EFCAB6: variants seen among roughly 807,000 people sequenced by gnomAD.
EFCAB6 encodes EF-hand calcium binding domain 6.
Under a neutral mutation model 169.8 loss-of-function variants are expected in EFCAB6, and 156 were observed. That is an observed-to-expected ratio of 0.92 (90% CI 0.81 to 1.05). The LOEUF (loss-of-function observed/expected upper bound fraction) is 1.05. Among genes scored for constraint, EFCAB6 ranks in the 50% least tolerant of loss-of-function variants. EFCAB6 has a pLI of 0.00. For synonymous variants in EFCAB6, 698 were observed against 676.4 expected (o/e 1.03, Z -0.50); for missense variants, 1,800 against 1,829.1 (o/e 0.98, Z 0.29).
intron 7 of EFCAB6, among the ~76,000 whole-genome samples, chr22:43,733,398 A>G (rs984231514): frequency 6.6e-6 from 1 of 152,194 alleles, no homozygotes; most frequent in Non-Finnish European, 1.5e-5. Context: ...TATCAAACAC[A>G]CTGGCCTCCA....
chr22:43,565,738 T>G (rs932146950), intron 26 of EFCAB6, among the ~76,000 whole-genome samples: 1 of 151,864 alleles, frequency 6.6e-6, no homozygotes, highest in African/African-American at 2.4e-5. Context: ...TATGGTTTTT[T>G]TCTATGATTC....
At position 43,601,072 on chromosome 22, in the gene EFCAB6, A is replaced by T. The variant is rs141510144; in HGVS notation, c.2682-809T>A. On this transcript the variant is annotated intron_variant, in intron 22 of 31. Transcript: ENST00000262726. ...TCAATCTTAAAACTCGAATGAGTGAATGTCACTTGATTCAAAGATGGTAAA... is the reference window on the plus strand; with the variant it reads ...TCAATCTTAAAACTCGAATGAGTGATTGTCACTTGATTCAAAGATGGTAAA... 3.9e-3 allele frequency among the ~76,000 whole-genome samples: 590 copies of T among 152,364 alleles called. 3 individuals carry two copies. The highest frequency in any genetic ancestry group is 0.014 in the Middle Eastern group (4 of 294).
At chr22:43,617,256 T>A (rs1467932175) in intron 20 of EFCAB6, among the ~76,000 whole-genome samples, 1 of 152,216 alleles carries the variant, frequency 6.6e-6, no homozygotes, top group East Asian at 1.9e-4. Flanking sequence ...GATGTCTATT[T>A]CCCTGCCTTC....
intron 1 of EFCAB6, among the ~76,000 whole-genome samples, chr22:43,811,343 G>T (rs1364134830): frequency 1.6e-5 from 2 of 122,432 alleles, no homozygotes; most frequent in Non-Finnish European, 3.4e-5. Context: ...GAGGAGAGAG[G>T]AGGGGAGGAA....
intron 26 of EFCAB6, among the ~76,000 whole-genome samples, chr22:43,558,092 T>G (rs981003667): frequency 2.0e-5 from 3 of 152,226 alleles, no homozygotes; most frequent in Non-Finnish European, 4.4e-5. Context: ...AAAATAAGCA[T>G]GATTTCACTT....
At chr22:43,530,194 A>G (rs1401617179) in intron 31 of EFCAB6, among the ~76,000 whole-genome samples, 2 of 152,272 alleles carry the variant, frequency 1.3e-5, no homozygotes, top group Admixed American at 1.3e-4. Flanking sequence ...AGGGAATAAC[A>G]GAACCTGCCC....
intron 6 of EFCAB6, among the ~76,000 whole-genome samples, chr22:43,754,600 AAAATT>A (rs749843173): frequency 4.6e-5 from 7 of 152,302 alleles, no homozygotes; most frequent in Admixed American, 6.5e-5. Flanking sequence ...GATGGGATAA[AAAATT>A]AACTGAAAGG....
intron 2 of EFCAB6, among the ~76,000 whole-genome samples, chr22:43,793,482 G>A (rs1400757862): frequency 2.6e-5 from 4 of 152,204 alleles, no homozygotes; most frequent in African/African-American, 9.6e-5. Flanking sequence ...AGCAAACACT[G>A]TAGGCCACTG....
intron 19 of EFCAB6, among the ~76,000 whole-genome samples, chr22:43,631,695 G>A (rs1040196511): frequency 6.6e-6 from 1 of 152,058 alleles, no homozygotes; most frequent in African/African-American, 2.4e-5. Flanking sequence ...GGGTGGGGCT[G>A]GTAGCTTTCA....
At chr22:43,737,639 A>G (rs1475914746) in intron 6 of EFCAB6, among the ~76,000 whole-genome samples, 5 of 150,470 alleles carry the variant, frequency 3.3e-5, no homozygotes, top group Non-Finnish European at 7.4e-5. Context: ...AGATATTCAC[A>G]TGCACACACA....
At chr22:43,579,760 G>GTACACGCAGGCATCATTCCC (rs2050590603) in intron 25 of EFCAB6, among the ~76,000 whole-genome samples, 1 of 106,720 alleles carries the variant, frequency 9.4e-6, no homozygotes. Context: ...GCATCATTCC[G>GTACACGCAGGCATCATTCCC]TACACGCAGG....
At chr22:43,617,797 A>C (rs1477513401) in intron 20 of EFCAB6, among the ~76,000 whole-genome samples, 2 of 152,124 alleles carry the variant, frequency 1.3e-5, no homozygotes, top group African/African-American at 4.8e-5. Flanking sequence ...ACTTAGAACA[A>C]ACACACAAGA....
chr22:43,607,789 G>C (rs550872719), intron 22 of EFCAB6, among the ~76,000 whole-genome samples: 1 of 152,144 alleles, frequency 6.6e-6, no homozygotes, highest in Non-Finnish European at 1.5e-5. Context: ...AGGTGACTAC[G>C]GACATATAAT....
At chr22:43,561,765 A>G (rs1257204103) in intron 26 of EFCAB6, among the ~76,000 whole-genome samples, 1 of 152,212 alleles carries the variant, frequency 6.6e-6, no homozygotes, top group Non-Finnish European at 1.5e-5. Context: ...TCACGTGATC[A>G]TTATATCTGA....
chr22:43,803,639 T>C (rs1487484167), intron 2 of EFCAB6, among the ~76,000 whole-genome samples: 1 of 152,096 alleles, frequency 6.6e-6, no homozygotes, highest in East Asian at 1.9e-4. Flanking sequence ...TAAATATATA[T>C]GCACACCATG....
In EFCAB6 at chr22:43,600,226, C is replaced by A. The variant is rs764262285; in HGVS notation, c.2719G>T (p.Glu907Ter). ...TEGKGHITYQ[E>*]FLQKLGINYS... Reference sequence around the variant, plus strand: ...TTAATACCCAATTTCTGTAAAAATTCCTGGTAAGTAATGTGCCCTTTTCCC... The same window carrying A: ...TTAATACCCAATTTCTGTAAAAATTACTGGTAAGTAATGTGCCCTTTTCCC... The change falls in exon 23 of 32, where the codon GAA (glutamate) becomes TAA (stop). Residue 907 changes from glutamate (E) to a stop codon, truncating the protein, a stop_gained. Transcript: ENST00000262726. LOFTEE classifies it high-confidence loss of function. The A allele has an allele frequency of 3.1e-6, 5 of 1,614,110 alleles. No homozygotes were observed. In the Admixed American group the frequency reaches 6.7e-5, roughly 22 times the overall value.
At chr22:43,555,648 G>A (rs2048661161) in intron 26 of EFCAB6, among the ~76,000 whole-genome samples, 1 of 152,212 alleles carries the variant, frequency 6.6e-6, no homozygotes, top group South Asian at 2.1e-4. Flanking sequence ...TTAACTCTGG[G>A]GAATTAAGTG....
rs1555969702 is a variant in EFCAB6, at chr22:43,618,186, G to GAAAGAA, written c.2466-2270_2466-2265dup. ...GGAAGGAAAGAAAGAAAGAAAGAAA[G>GAAAGAA]AAAGAAAGAAAGAAAGAAAGAAAGA... On this transcript the variant is annotated intron_variant, in intron 20 of 31. Transcript: ENST00000262726. 3.1e-4 allele frequency among the ~76,000 whole-genome samples: 43 copies of GAAAGAA among 139,834 alleles called. 1 individual carries two copies. The highest frequency in any genetic ancestry group is 3.6e-3 in the Middle Eastern group (1 of 280). The allele number at this position is 139,834 out of a possible 152,430, so 91.7% of individuals were successfully genotyped here.
At chr22:43,643,340 C>T (rs1016213360) in intron 17 of EFCAB6, among the ~76,000 whole-genome samples, 1 of 152,198 alleles carries the variant, frequency 6.6e-6, no homozygotes, top group African/African-American at 2.4e-5. Flanking sequence ...TCGGACTCCA[C>T]GGGACAACAT....
Sources: gnomAD v4.1 joint callset for allele counts (sites outside exome capture counted in the v4.1 genomes callset) on GRCh38, gnomAD v4.1.1 for gene constraint, MANE v1.5 for transcripts, NCBI Gene and HGNC (gene_info 2026-07-23, HGNC 2026-07-21) for gene names.